Variants in CASP2 observed in about 807,000 individuals in gnomAD.
The protein encoded by CASP2 is caspase 2.
In CASP2, 38 loss-of-function variants were observed where a neutral mutation model predicts 54.4. The ratio of observed to expected loss-of-function variants is 0.70; its 90% CI spans 0.54 to 0.92. The LOEUF (loss-of-function observed/expected upper bound fraction) is 0.92, where lower values mean the gene tolerates loss of function less well. Among genes scored for constraint, CASP2 ranks in the 40% least tolerant of loss-of-function variants. The probability of loss-of-function intolerance (pLI) is 0.00; values close to 1 mark genes in which losing one functional copy is unlikely to be tolerated. For missense variants in CASP2, 512 were observed against 579.6 expected (o/e 0.88, Z 1.20); for synonymous variants, 215 against 216.3 (o/e 0.99, Z 0.05).
intron 8 of CASP2, chr7:143,300,551 T>C (rs1801886058): frequency 1.3e-6 from 2 of 1,516,270 alleles, no homozygotes; most frequent in Admixed American, 3.9e-5. Context: ...TCTTATCCCG[T>C]GTCTTTGCCT....
Position 143,288,476 on chromosome 7 carries a change from G to A in CASP2, c.21G>A (p.Gly7=), listed in dbSNP as rs143572840. The change falls in exon 1 of 11, where the codon GGG becomes GGA. Residue 7 remains glycine (G), a synonymous_variant. Coordinates refer to ENST00000310447, the MANE Select transcript of CASP2 (RefSeq NM_032982.4). ...GGGAAATGGCGGCGCCGAGCGCGGGGTCTTGGTCCACCTTCCAGCACAAGG... is the reference window on the plus strand; with the variant it reads ...GGGAAATGGCGGCGCCGAGCGCGGGATCTTGGTCCACCTTCCAGCACAAGG... The part of the protein sequence containing the change: MAAPSA[G]SWSTFQHKEL... 4.0e-4 allele frequency: 651 copies of A among 1,613,270 alleles called. 1 individual carries two copies. In the Middle Eastern group the frequency reaches 5.8e-3, roughly 14 times the overall value.
rs958666287 is a variant in CASP2, at chr7:143,307,400, T to C, written c.*2329T>C. 2.6e-5 allele frequency: 4 copies of C among 152,370 alleles called. No individual in the cohort carries two copies. The highest frequency in any genetic ancestry group is 1.3e-4 in the Admixed American group (2 of 15,312). The allele number at this position is 152,370 out of a possible 1,614,324, so 9.4% of individuals were successfully genotyped here. A position where few individuals can be genotyped will look rare whatever the true frequency, so the allele number is the denominator to read the frequency against. ...GACAATATACACGGATTATTATTTG[T>C]ACTTTGTTTTTCCATGTGTTTTGCT... On this transcript the variant is annotated 3_prime_UTR_variant, in exon 11 of 11. Transcript: ENST00000310447.
chr7:143,304,652 AT>A, intron 9 of CASP2, 21 bp from the exon 10 acceptor site: 2 of 1,571,450 alleles, frequency 1.3e-6, no homozygotes, highest in South Asian at 1.1e-5. Context: ...TCACACTGTG[AT>A]TAATGCCCTT....
intron 7 of CASP2, 50 bp from the exon 8 acceptor site, chr7:143,300,154 A>T (rs1801871404): frequency 6.2e-7 from 1 of 1,611,904 alleles, no homozygotes; most frequent in African/African-American, 1.3e-5. Flanking sequence ...AGGACTTAGG[A>T]GGCCCCGCTG....
intron 1 of CASP2, among the ~76,000 whole-genome samples, chr7:143,290,305 G>A (rs1435050969): frequency 2.0e-5 from 3 of 151,978 alleles, no homozygotes; most frequent in African/African-American, 7.3e-5. Context: ...CAGGTGATCT[G>A]CCCACCTTAG....
chr7:143,299,806 G>A, intron 6 of CASP2, 117 bp from the exon 7 acceptor site: 1 of 1,120,216 alleles, frequency 8.9e-7, no homozygotes, highest in African/African-American at 1.5e-5. Context: ...TTGACCACAG[G>A]AATATACATA....
chr7:143,299,639 T>C (rs951611382), intron 6 of CASP2, among the ~76,000 whole-genome samples: 3 of 152,234 alleles, frequency 2.0e-5, no homozygotes, highest in African/African-American at 7.2e-5. Context: ...GACCAGCTCA[T>C]GATTAGCTTC....
At chr7:143,294,049 A>G (rs1007882130) in intron 4 of CASP2, among the ~76,000 whole-genome samples, 181 bp from the exon 5 acceptor site, 6 of 152,230 alleles carry the variant, frequency 3.9e-5, no homozygotes, top group Non-Finnish European at 4.4e-5. Flanking sequence ...CTATGTGCAG[A>G]GAATCCTTTA....
intron 4 of CASP2, among the ~76,000 whole-genome samples, chr7:143,293,781 G>A (rs975597570): frequency 6.6e-6 from 1 of 152,122 alleles, no homozygotes; most frequent in African/African-American, 2.4e-5. Flanking sequence ...GAGTCACTGC[G>A]CCCGGCCCAG....
chr7:143,294,708 A>C lies in CASP2; in HGVS notation c.682A>C (p.Thr228Pro). 1 of 1,614,034 alleles carries C rather than the reference A, an allele frequency of 6.2e-7. No homozygotes were observed. Among genetic ancestry groups the C allele is most frequent in the South Asian group, 1.1e-5 (1 of 91,088 alleles). ...CTCTGGAGGGGATGTGGACCACAGT[A>C]CTCTAGTCACCCTCTTCAAGCTTTT... Reference protein sequence around the residue: ...FRSGGDVDHSTLVTLFKLLGY... With the variant: ...FRSGGDVDHSPLVTLFKLLGY... Residue 228 changes from threonine to proline, a missense_variant, in exon 6 of 11, where the codon ACT (threonine) becomes CCT (proline). Coordinates refer to ENST00000310447, the MANE Select transcript of CASP2 (RefSeq NM_032982.4).
chr7:143,297,727 G>A (rs1429643441), intron 6 of CASP2, among the ~76,000 whole-genome samples: 4 of 152,234 alleles, frequency 2.6e-5, no homozygotes, highest in Non-Finnish European at 4.4e-5. Flanking sequence ...GATTACAGGC[G>A]TGAGCCACCG....
rs200275372 is a variant in CASP2, at chr7:143,288,475, G to C, written c.20G>C (p.Gly7Ala). Residue 7 changes from glycine (G) to alanine (A), a missense_variant, in exon 1 of 11, where the codon GGG becomes GCG. Coordinates refer to ENST00000310447, the MANE Select transcript of CASP2 (RefSeq NM_032982.4). Reference protein sequence around the residue: MAAPSAGSWSTFQHKEL... With the variant: MAAPSAASWSTFQHKEL... ...CGGGAAATGGCGGCGCCGAGCGCGG[G>C]GTCTTGGTCCACCTTCCAGCACAAG... 6.2e-7 allele frequency: 1 copy of C among 1,613,244 alleles called. No homozygotes were observed. The highest frequency in any genetic ancestry group is 8.5e-7 in the Non-Finnish European group (1 of 1,179,680).
In CASP2 at chr7:143,292,609, T is replaced by A; in HGVS notation, c.394-8T>A. 6.2e-7 allele frequency: 1 copy of A among 1,613,802 alleles called. No individual in the cohort carries two copies. Among genetic ancestry groups the A allele is most frequent in the Non-Finnish European group, 8.5e-7 (1 of 1,179,786 alleles). On this transcript the variant is annotated splice_polypyrimidine_tract_variant and splice_region_variant and intron_variant, in intron 3 of 10. Transcript: ENST00000310447. The stretch of plus-strand genomic sequence containing the variant: ...AGGTCTGTCATCATGAGTTTTGATT[T>A]CTTACAGTTGAGCTGTGACTACGAC...
chr7:143,303,695 G>A, intron 8 of CASP2, 89 bp from the exon 9 acceptor site: 1 of 1,176,206 alleles, frequency 8.5e-7, no homozygotes, highest in Non-Finnish European at 1.3e-6. Flanking sequence ...CCCCTTCAAG[G>A]TTGTAGGGAA....
intron 8 of CASP2, chr7:143,300,734 C>G: frequency 8.4e-7 from 1 of 1,191,764 alleles, no homozygotes; most frequent in Non-Finnish European, 1.1e-6. Context: ...CCCTGTTTAC[C>G]TACACTTCCA....
rs1464772837 is a variant in CASP2, at chr7:143,306,905, TG to T, written c.*1836del. 3.3e-5 allele frequency: 5 copies of T among 152,278 alleles called. No individual in the cohort carries two copies. The highest frequency in any genetic ancestry group is 1.2e-4 in the African/African-American group (5 of 41,464). The allele number at this position is 152,278 out of a possible 1,614,324, so 9.4% of individuals were successfully genotyped here. A position where few individuals can be genotyped will look rare whatever the true frequency, so the allele number is the denominator to read the frequency against. ...ACTCTTCACCTTGGTTTATGAGAACTGGTTCTTGCCTTCCCCTTGAACCTCA... is the reference window on the plus strand; with the variant it reads ...ACTCTTCACCTTGGTTTATGAGAACTGTTCTTGCCTTCCCCTTGAACCTCA... On this transcript the variant is annotated 3_prime_UTR_variant, in exon 11 of 11. Coordinates refer to ENST00000310447, the MANE Select transcript of CASP2 (RefSeq NM_032982.4).
At chr7:143,299,640 G>T (rs1801856709) in intron 6 of CASP2, among the ~76,000 whole-genome samples, 1 of 152,176 alleles carries the variant, frequency 6.6e-6, no homozygotes, top group Admixed American at 6.5e-5. Flanking sequence ...ACCAGCTCAT[G>T]ATTAGCTTCT....
chr7:143,305,086 C>T lies in CASP2; in HGVS notation c.*15C>T, dbSNP rs1802030022. The T allele has an allele frequency of 3.1e-6, 5 of 1,614,218 alleles. No homozygotes were observed. Among genetic ancestry groups the T allele is most frequent in the Non-Finnish European group, 4.2e-6 (5 of 1,180,030 alleles). On this transcript the variant is annotated 3_prime_UTR_variant, in exon 11 of 11. Coordinates refer to ENST00000310447, the MANE Select transcript of CASP2 (RefSeq NM_032982.4). ...CTCCCACATGATGTCACCTCCCCAT[C>T]ATCCACGCCAAGTGGAAGCCACTGG...
rs1044023964 is a variant in CASP2, at chr7:143,288,424, G to C, written c.-32G>C. 1.5e-5 allele frequency: 24 copies of C among 1,608,774 alleles called. No homozygotes were observed. Among genetic ancestry groups the C allele is most frequent in the Non-Finnish European group, 2.0e-5 (24 of 1,177,268 alleles). ...CCCCGGTTTGTTTGGGCTGTGGGCG[G>C]TGCGCAGCGGAGAGCCCGGGAAAAG... On this transcript the variant is annotated 5_prime_UTR_variant, in exon 1 of 11. Coordinates refer to ENST00000310447, the MANE Select transcript of CASP2 (RefSeq NM_032982.4).
Sources: gnomAD v4.1 joint callset for allele counts (sites outside exome capture counted in the v4.1 genomes callset) on GRCh38, gnomAD v4.1.1 for gene constraint, MANE v1.5 for transcripts, NCBI Gene and HGNC (gene_info 2026-07-23, HGNC 2026-07-21) for gene names.